Variants in KIF14 observed in about 807,000 individuals in gnomAD.
KIF14 encodes kinesin-like protein KIF14.
In KIF14, 98 loss-of-function variants were observed where a neutral mutation model predicts 176.2. The observed-to-expected ratio is 0.56, with a 90% CI of 0.47 to 0.66. The LOEUF (loss-of-function observed/expected upper bound fraction) is 0.66. Ranked by LOEUF, KIF14 falls within the 30% of genes least tolerant of loss-of-function variation. The probability of loss-of-function intolerance (pLI) is 0.00; values close to 1 mark genes in which losing one functional copy is unlikely to be tolerated. For synonymous variants in KIF14, 566 were observed against 632.2 expected, an observed-to-expected ratio of 0.90 and a Z score of 1.57; for missense variants, 1,751 against 1,920.4, an observed-to-expected ratio of 0.91 and a Z score of 1.65.
Position 200,603,229 on chromosome 1 carries a change from G to C in KIF14, c.1976C>G (p.Thr659Arg). Reference protein sequence around the residue: ...VFIPYRESVLTWLLKESLGGN... With the variant: ...VFIPYRESVLRWLLKESLGGN... ...TTATACTTCAAAAGATACTTGCCAT[G>C]TAAGAACAGATTCACGATAAGGAAT... Residue 659 changes from threonine (T) to arginine (R), a missense_variant, in exon 10 of 30, where the codon ACA becomes AGA. Transcript: ENST00000367350. 1 of 1,561,252 alleles carries C rather than the reference G, an allele frequency of 6.4e-7. No individual in the cohort carries two copies. Among genetic ancestry groups the C allele is most frequent in the Non-Finnish European group, 8.8e-7 (1 of 1,134,880 alleles).
intron 13 of KIF14, among the ~76,000 whole-genome samples, chr1:200,598,779 G>A (rs769993570): frequency 2.0e-5 from 3 of 151,894 alleles, no homozygotes; most frequent in African/African-American, 4.8e-5. Context: ...GGCTGGTCTC[G>A]AACTCCTGAC....
At chr1:200,588,416 T>A (rs1405109149) in intron 18 of KIF14, among the ~76,000 whole-genome samples, 1 of 151,986 alleles carries the variant, frequency 6.6e-6, no homozygotes, top group Non-Finnish European at 1.5e-5. Context: ...AATTTTTGTA[T>A]TTTTAGTAGA....
At chr1:200,556,202 G>A (rs942715271) in intron 27 of KIF14, among the ~76,000 whole-genome samples, 9 of 151,832 alleles carry the variant, frequency 5.9e-5, no homozygotes, top group Non-Finnish European at 1.0e-4. Flanking sequence ...GCCCCCTAAG[G>A]TGCTTTCCTG....
intron 18 of KIF14, among the ~76,000 whole-genome samples, chr1:200,588,932 T>G (rs1658899969): frequency 1.3e-5 from 2 of 152,234 alleles, no homozygotes; most frequent in Admixed American, 1.3e-4. Flanking sequence ...CTATTTCACT[T>G]ATTTAAATTA....
chr1:200,591,690 C>G (rs190934700), intron 16 of KIF14, among the ~76,000 whole-genome samples: 1 of 152,170 alleles, frequency 6.6e-6, no homozygotes, highest in Non-Finnish European at 1.5e-5. Context: ...CTCTATGGGA[C>G]GTCTTCTCAT....
chr1:200,565,733 A>AAG, intron 23 of KIF14, 64 bp from the exon 24 acceptor site: 1 of 1,058,992 alleles, frequency 9.4e-7, no homozygotes, highest in Non-Finnish European at 1.4e-6. Context: ...TTTTTTAAAA[A>AAG]AAGGGATCCT....
chr1:200,582,944 T>C (rs1410730456), intron 19 of KIF14, among the ~76,000 whole-genome samples: 1 of 152,154 alleles, frequency 6.6e-6, no homozygotes, highest in Non-Finnish European at 1.5e-5. Context: ...CCAAGTATTC[T>C]TGCTAAAAAA....
At chr1:200,579,208 C>T (rs764846387) in intron 21 of KIF14, among the ~76,000 whole-genome samples, 24 of 152,194 alleles carry the variant, frequency 1.6e-4, no homozygotes, top group Admixed American at 3.9e-4. Flanking sequence ...ATGGCTCACG[C>T]CTGTAATCCC....
At chr1:200,619,724 G>GTACC (rs1660594814) in intron 1 of KIF14, among the ~76,000 whole-genome samples, 1 of 152,196 alleles carries the variant, frequency 6.6e-6, no homozygotes, top group Non-Finnish European at 1.5e-5. Context: ...TTATTCCCAA[G>GTACC]TACCACAGGC....
chr1:200,590,323 A>T, intron 16 of KIF14, 51 bp from the exon 17 acceptor site: 1 of 1,480,012 alleles, frequency 6.8e-7, no homozygotes. Context: ...TTCTTTATAC[A>T]TCATAATAGT....
intron 5 of KIF14, among the ~76,000 whole-genome samples, chr1:200,607,527 T>C (rs568268102): frequency 6.6e-6 from 1 of 152,332 alleles, no homozygotes; most frequent in East Asian, 1.9e-4. Flanking sequence ...CTAAAACATA[T>C]TCGTTAAATT....
intron 16 of KIF14, 94 bp downstream of exon 16, chr1:200,591,986 C>A: frequency 1.9e-6 from 2 of 1,057,390 alleles, no homozygotes; most frequent in South Asian, 1.7e-5. Context: ...AACCAGCACC[C>A]AAAGAGTTAA....
At chr1:200,556,444 T>A (rs1656832773) in intron 27 of KIF14, among the ~76,000 whole-genome samples, 1 of 152,244 alleles carries the variant, frequency 6.6e-6, no homozygotes, top group African/African-American at 2.4e-5. Flanking sequence ...TATAGGTTCT[T>A]AAAGGAGTTT....
rs1411268160 is a variant in KIF14 at position 200,607,071 on chromosome 1, T to G, written c.1555-273A>C. Among the ~76,000 whole-genome samples the G allele has an allele frequency of 2.6e-5, 3 of 116,302 alleles. No individual in the cohort carries two copies. The Admixed American group carries it at 2.9e-4, about 11-fold the overall frequency. The allele number at this position is 116,302 out of a possible 152,430, so 76.3% of individuals were successfully genotyped here. The stretch of plus-strand genomic sequence containing the variant: ...TTTTTTATTCTTAAAAAACTGCTAT[T>G]AGAATTGTCTAATAGACAATAATTA... On this transcript the variant is annotated intron_variant, in intron 5 of 29. Coordinates refer to ENST00000367350, the MANE Select transcript of KIF14 (RefSeq NM_014875.3).
At position 200,553,603 on chromosome 1, in the gene KIF14, G is replaced by A; in HGVS notation, c.4732C>T (p.Leu1578Phe). Reference protein sequence around the residue: ...HQELESLAKSLLFCFESEESP... With the variant: ...HQELESLAKSFLFCFESEESP... ...TCTTCAGATTCAAAACAAAAGAGGA[G>A]AGACTTAGCTAGAGATTCTAGTTCC... The change falls in exon 30 of 30, where the codon CTC (leucine) becomes TTC (phenylalanine). Residue 1578 changes from leucine (L) to phenylalanine (F), a missense_variant. Physicochemically the swap from Leu to Phe is conservative, Grantham distance 22 (BLOSUM62 0). Coordinates refer to ENST00000367350, the MANE Select transcript of KIF14 (RefSeq NM_014875.3). 6.2e-7 allele frequency: 1 copy of A among 1,614,112 alleles called. No homozygotes were observed. The highest frequency in any genetic ancestry group is 8.5e-7 in the Non-Finnish European group (1 of 1,180,010).
chr1:200,577,715 G>GA lies in KIF14; in HGVS notation c.3466-2025dup, dbSNP rs907304890. 5.3e-3 allele frequency among the ~76,000 whole-genome samples: 700 copies of GA among 131,536 alleles called. 8 individuals carry two copies. Among genetic ancestry groups the GA allele is most frequent in the African/African-American group, 0.018 (566 of 31,344 alleles). 86.3% of individuals were successfully genotyped at this position (131,536 alleles called of 152,430 possible). ...ACTCCGTCTCAAAAAAAGAAAAAAA[G>GA]AAAAAAAAAAAAGAAGATTGGTTGG... On this transcript the variant is annotated intron_variant, in intron 21 of 29. Transcript: ENST00000367350.
intron 1 of KIF14, among the ~76,000 whole-genome samples, chr1:200,619,238 A>C (rs1274156816): frequency 6.6e-6 from 1 of 152,234 alleles, no homozygotes; most frequent in Non-Finnish European, 1.5e-5. Context: ...GGAAGGACTA[A>C]AGGAAACCCT....
intron 14 of KIF14, among the ~76,000 whole-genome samples, chr1:200,596,097 T>C (rs1321138114): frequency 1.3e-5 from 2 of 151,704 alleles, no homozygotes; most frequent in African/African-American, 4.8e-5. Context: ...CTACTAAAAA[T>C]ACAACAATTA....
At chr1:200,599,271 A>T (rs1011514956) in intron 13 of KIF14, among the ~76,000 whole-genome samples, 2 of 152,208 alleles carry the variant, frequency 1.3e-5, no homozygotes, top group African/African-American at 2.4e-5. Context: ...ACTAATCATA[A>T]CATATCTTTC....
Sources: gnomAD v4.1 joint callset for allele counts (sites outside exome capture counted in the v4.1 genomes callset) on GRCh38, gnomAD v4.1.1 for gene constraint, MANE v1.5 for transcripts, NCBI Gene and HGNC (gene_info 2026-07-23, HGNC 2026-07-21) for gene names.